The following PCOLCE2 variants were observed in gnomAD, a reference collection of about 807,000 sequenced individuals.
The protein encoded by PCOLCE2 is procollagen C-proteinase enhancer 2.
In PCOLCE2, 42 loss-of-function variants were observed where a neutral mutation model predicts 47.0. The observed-to-expected ratio is 0.89, with a 90% CI of 0.70 to 1.16. PCOLCE2 has a LOEUF of 1.16. PCOLCE2 is among the 50% of genes most tolerant of loss of function. The probability of loss-of-function intolerance (pLI) is 0.00; values close to 1 mark genes in which losing one functional copy is unlikely to be tolerated. For missense variants in PCOLCE2, 500 were observed against 526.1 expected, an observed-to-expected ratio of 0.95 and a Z score of 0.49; for synonymous variants, 169 against 191.7, an observed-to-expected ratio of 0.88 and a Z score of 0.98.
intron 2 of PCOLCE2, among the ~76,000 whole-genome samples, chr3:142,865,608 A>G (rs567565498): frequency 6.6e-6 from 1 of 152,360 alleles, no homozygotes; most frequent in South Asian, 2.1e-4. Context: ...TACAGAATAT[A>G]AAAAGAAACA....
chr3:142,889,014 C>CAGCAGCGCTG lies in PCOLCE2; in HGVS notation c.-119_-118insCAGCGCTGCT. On this transcript the variant is annotated 5_prime_UTR_variant, in exon 1 of 9. Transcript: ENST00000295992. ...TGGCAGCAGCGCTGGCTCACACCGG[C>CAGCAGCGCTG]GCTCGGCTGCCCGCGCGCTCCCTCT... 9.8e-5 allele frequency: 43 copies of CAGCAGCGCTG among 440,934 alleles called. No homozygotes were observed. Among genetic ancestry groups the CAGCAGCGCTG allele is most frequent in the Middle Eastern group, 6.0e-4 (1 of 1,658 alleles). The allele number at this position is 440,934 out of a possible 1,614,324, so 27.3% of individuals were successfully genotyped here. A position where few individuals can be genotyped will look rare whatever the true frequency, so the allele number is the denominator to read the frequency against.
At chr3:142,847,150 G>A (rs1306449733) in intron 3 of PCOLCE2, among the ~76,000 whole-genome samples, 1 of 152,216 alleles carries the variant, frequency 6.6e-6, no homozygotes, top group Non-Finnish European at 1.5e-5. Flanking sequence ...CCTGGCAGCA[G>A]GCAGCAGCTG....
intron 2 of PCOLCE2, among the ~76,000 whole-genome samples, chr3:142,852,298 A>G (rs370396374): frequency 6.6e-6 from 1 of 152,228 alleles, no homozygotes; most frequent in East Asian, 1.9e-4. Flanking sequence ...AGAGCTCCTG[A>G]TTGTCATTAT....
intron 2 of PCOLCE2, among the ~76,000 whole-genome samples, chr3:142,854,879 CTTTATAG>C (rs967952460): frequency 1.3e-5 from 2 of 152,212 alleles, no homozygotes; most frequent in Non-Finnish European, 2.9e-5. Context: ...ATTGGCCCAA[CTTTATAG>C]TTTACAGATG....
At chr3:142,847,324 C>T (rs1937337828) in intron 3 of PCOLCE2, among the ~76,000 whole-genome samples, 1 of 152,184 alleles carries the variant, frequency 6.6e-6, no homozygotes, top group African/African-American at 2.4e-5. Context: ...GATTTCCTCC[C>T]CAACATTCTG....
chr3:142,848,558 G>GT, intron 2 of PCOLCE2, 86 bp from the exon 3 acceptor site: 1 of 1,180,372 alleles, frequency 8.5e-7, no homozygotes, highest in Admixed American at 2.2e-5. Context: ...AGTGTGTAAA[G>GT]TATAATATCC....
At chr3:142,820,773 G>A (rs1937003604) in intron 8 of PCOLCE2, 105 bp downstream of exon 8, 4 of 934,932 alleles carry the variant, frequency 4.3e-6, no homozygotes, top group Admixed American at 2.3e-5. Flanking sequence ...TTCCTGCTCT[G>A]CAAGAAGTGG....
At chr3:142,819,585 G>A (rs954589243) in intron 8 of PCOLCE2, among the ~76,000 whole-genome samples, 1 of 152,212 alleles carries the variant, frequency 6.6e-6, no homozygotes, top group Non-Finnish European at 1.5e-5. Context: ...GACTCAACAT[G>A]AGGCTACTAG....
At chr3:142,853,756 T>A (rs1216717687) in intron 2 of PCOLCE2, among the ~76,000 whole-genome samples, 2 of 152,246 alleles carry the variant, frequency 1.3e-5, no homozygotes, top group Non-Finnish European at 2.9e-5. Context: ...TAACACTTAA[T>A]GCAGAAACTC....
chr3:142,843,137 G>A (rs1031536327), intron 3 of PCOLCE2, 89 bp from the exon 4 acceptor site: 27 of 1,328,368 alleles, frequency 2.0e-5, no homozygotes, highest in Non-Finnish European at 2.7e-5. Flanking sequence ...TGGGATCTTT[G>A]GTGAGAGTAC....
chr3:142,868,970 A>G (rs771979435), intron 2 of PCOLCE2, among the ~76,000 whole-genome samples: 1 of 152,200 alleles, frequency 6.6e-6, no homozygotes, highest in Non-Finnish European at 1.5e-5. Context: ...TTTGGAATCC[A>G]GGCACAGGTG....
intron 2 of PCOLCE2, among the ~76,000 whole-genome samples, chr3:142,869,184 G>A (rs186270136): frequency 0.038 from 5,651 of 150,644 alleles, 120 homozygotes; most frequent in South Asian, 0.072. Flanking sequence ...CCAGCTACTC[G>A]GGAGGCTGAG....
At chr3:142,848,572 A>T (rs1387697830) in intron 2 of PCOLCE2, 100 bp from the exon 3 acceptor site, 36 of 1,070,162 alleles carry the variant, frequency 3.4e-5, no homozygotes, top group Non-Finnish European at 4.7e-5. Context: ...AATATCCAAG[A>T]TAATGCTTTT....
chr3:142,833,985 T>C (rs1015843139), intron 5 of PCOLCE2, among the ~76,000 whole-genome samples: 1 of 152,214 alleles, frequency 6.6e-6, no homozygotes, highest in African/African-American at 2.4e-5. Flanking sequence ...TGTGTGATAT[T>C]AGCTATGAAT....
At chr3:142,851,654 G>T (rs1386429324) in intron 2 of PCOLCE2, among the ~76,000 whole-genome samples, 3 of 152,156 alleles carry the variant, frequency 2.0e-5, no homozygotes, top group Non-Finnish European at 4.4e-5. Context: ...GACCTGAGAA[G>T]ATCACCCATA....
Position 142,838,837 on chromosome 3 carries a change from C to A in PCOLCE2, c.643G>T (p.Val215Leu), listed in dbSNP as rs1192134602. The change falls in exon 5 of 9, where the codon GTG (valine) becomes TTG (leucine). Residue 215 changes from valine (V) to leucine (L), a missense_variant. Physicochemically the swap from Val to Leu is conservative, Grantham distance 32 (BLOSUM62 1). Transcript: ENST00000295992. ...TCGTTGACTTCCCCGCCATTAAACA[C>A]AGCCACATAATCATATCGGCAGTAG... ...DNYCRYDYVA[V>L]FNGGEVNDAR... is the part of the protein sequence containing the mutation. 6.2e-7 allele frequency: 1 copy of A among 1,613,388 alleles called. No individual in the cohort carries two copies. The highest frequency in any genetic ancestry group is 1.7e-5 in the Admixed American group (1 of 60,020).
At chr3:142,861,663 G>C (rs1360912025) in intron 2 of PCOLCE2, among the ~76,000 whole-genome samples, 1 of 152,020 alleles carries the variant, frequency 6.6e-6, no homozygotes, top group Non-Finnish European at 1.5e-5. Flanking sequence ...CACTGTTTCT[G>C]TTGCCTTGGA....
rs186719888 is a variant in PCOLCE2, at chr3:142,822,074, C to A, written c.950-1029G>T. ...CTGGGATTACAGGCATGCACCACCA[C>A]ACCCAGCTAATTTTGTATTTTTAGT... On this transcript the variant is annotated intron_variant, in intron 7 of 8. Transcript: ENST00000295992. Among the ~76,000 whole-genome samples, 345 of 152,194 alleles carry A rather than the reference C, an allele frequency of 2.3e-3. 1 individual carries two copies. The highest frequency in any genetic ancestry group is 8.0e-3 in the African/African-American group (334 of 41,526).
chr3:142,857,961 T>C (rs1430985524), intron 2 of PCOLCE2, among the ~76,000 whole-genome samples: 6 of 152,182 alleles, frequency 3.9e-5, no homozygotes, highest in Non-Finnish European at 8.8e-5. Context: ...ACCTGGCCCC[T>C]TTCCTTTCCC....
Sources: allele counts gnomAD v4.1 joint callset (sites outside exome capture counted in the v4.1 genomes callset), GRCh38; gene constraint gnomAD v4.1.1; transcripts MANE v1.5; gene names NCBI Gene and HGNC (gene_info 2026-07-23, HGNC 2026-07-21).